ARHGAP21: variants seen among roughly 807,000 people sequenced by gnomAD.
ARHGAP21 encodes Rho GTPase activating protein 21.
Under a neutral mutation model 164.6 loss-of-function variants are expected in ARHGAP21, and 38 were observed. The observed-to-expected ratio is 0.23, with a 90% confidence interval of 0.18 to 0.30. ARHGAP21 has a LOEUF of 0.30. ARHGAP21 is among the 10% of genes least tolerant of loss of function. The probability of loss-of-function intolerance (pLI) is 1.00; values close to 1 mark genes in which losing one functional copy is unlikely to be tolerated. For missense variants in ARHGAP21, 1,822 were observed against 2,370.7 expected (o/e 0.77, Z 4.81); for synonymous variants, 766 against 857.9 (o/e 0.89, Z 1.87).
intron 19 of ARHGAP21, 66 bp downstream of exon 19, chr10:24,595,651 A>G: frequency 1.3e-6 from 2 of 1,493,978 alleles, no homozygotes; most frequent in African/African-American, 2.8e-5. Flanking sequence ...TCAATTTAAT[A>G]TTCTATGGTT....
intron 2 of ARHGAP21, among the ~76,000 whole-genome samples, chr10:24,709,489 G>A (rs1246650706): frequency 2.0e-5 from 3 of 152,050 alleles, no homozygotes; most frequent in Admixed American, 6.6e-5. Context: ...TGTAATCCCC[G>A]CACTTTGGGA....
intron 4 of ARHGAP21, chr10:24,648,838 G>A: frequency 3.1e-6 from 3 of 983,374 alleles, no homozygotes; most frequent in Non-Finnish European, 3.6e-6. Flanking sequence ...TACCATCACA[G>A]CCCCTTTATA....
intron 2 of ARHGAP21, 55 bp downstream of exon 2, chr10:24,721,782 C>T: frequency 1.9e-6 from 3 of 1,599,530 alleles, no homozygotes; most frequent in Middle Eastern, 1.7e-4. Context: ...ACTTGCAGGA[C>T]GCTCAAGACA....
chr10:24,623,617 G>A (rs1834789647), intron 7 of ARHGAP21, among the ~76,000 whole-genome samples: 1 of 152,136 alleles, frequency 6.6e-6, no homozygotes, highest in Non-Finnish European at 1.5e-5. Flanking sequence ...AATTGTGTCT[G>A]GATGAGAGAA....
intron 4 of ARHGAP21, among the ~76,000 whole-genome samples, chr10:24,652,156 A>G (rs1300189369): frequency 2.0e-5 from 3 of 152,162 alleles, no homozygotes; most frequent in Non-Finnish European, 4.4e-5. Flanking sequence ...AAAATGAGCC[A>G]TGGGTCAATC....
intron 7 of ARHGAP21, among the ~76,000 whole-genome samples, chr10:24,626,306 G>T (rs1183380067): frequency 2.6e-5 from 4 of 152,154 alleles, no homozygotes; most frequent in Non-Finnish European, 4.4e-5. Flanking sequence ...CTGAATGTTT[G>T]TGTGTTCCCC....
intron 2 of ARHGAP21, among the ~76,000 whole-genome samples, chr10:24,683,968 A>G (rs1842005412): frequency 6.6e-6 from 1 of 152,190 alleles, no homozygotes; most frequent in Non-Finnish European, 1.5e-5. Context: ...TGCTACATAC[A>G]CTGCATGACT....
At chr10:24,666,382 A>G (rs376652348) in intron 4 of ARHGAP21, among the ~76,000 whole-genome samples, 64 of 152,354 alleles carry the variant, frequency 4.2e-4, no homozygotes, top group African/African-American at 1.3e-3. Flanking sequence ...TAAAGGATAC[A>G]TGAAAATTCT....
intron 6 of ARHGAP21, among the ~76,000 whole-genome samples, chr10:24,630,365 C>T (rs1468521256): frequency 6.6e-6 from 1 of 152,156 alleles, no homozygotes; most frequent in Admixed American, 6.5e-5. Flanking sequence ...CCAGGACAAA[C>T]TCTTAACAAT....
intron 7 of ARHGAP21, among the ~76,000 whole-genome samples, chr10:24,625,056 G>T (rs1437496717): frequency 1.2e-5 from 1 of 81,258 alleles, no homozygotes; most frequent in Non-Finnish European, 2.4e-5. Flanking sequence ...AAAGTGGGGG[G>T]GGGGGGGGAG....
At chr10:24,677,791 T>C (rs966762159) in intron 2 of ARHGAP21, among the ~76,000 whole-genome samples, 3 of 152,010 alleles carry the variant, frequency 2.0e-5, no homozygotes, top group African/African-American at 2.4e-5. Flanking sequence ...TCTCATTCAC[T>C]GACATACTCT....
chr10:24,631,477 A>G (rs1286656038), intron 6 of ARHGAP21, among the ~76,000 whole-genome samples: 4 of 152,206 alleles, frequency 2.6e-5, no homozygotes, highest in Admixed American at 1.3e-4. Flanking sequence ...TTTTCCCCCA[A>G]TACAGTCAAG....
intron 4 of ARHGAP21, among the ~76,000 whole-genome samples, chr10:24,666,018 GT>G (rs1490522831): frequency 1.3e-5 from 2 of 152,050 alleles, no homozygotes; most frequent in Non-Finnish European, 2.9e-5. Flanking sequence ...CCATGGTATT[GT>G]AAGTTTGTTT....
chr10:24,641,594 C>T (rs1300889564), intron 4 of ARHGAP21, among the ~76,000 whole-genome samples: 2 of 152,118 alleles, frequency 1.3e-5, no homozygotes, highest in Admixed American at 1.3e-4. Context: ...CAAGTAGTAA[C>T]AAATAGAACA....
chr10:24,711,523 T>C (rs919992845), intron 2 of ARHGAP21, among the ~76,000 whole-genome samples: 8 of 152,222 alleles, frequency 5.3e-5, no homozygotes, highest in Admixed American at 3.9e-4. Flanking sequence ...TGAAGGATAA[T>C]ATTCACGTAA....
Position 24,584,435 on chromosome 10 carries a change from C to CT in ARHGAP21, c.5853dup (p.Ala1952SerfsTer18). On this transcript the variant is annotated frameshift_variant, in exon 26 of 26. Transcript: ENST00000396432. LOFTEE classifies it high-confidence loss of function. ...GTTTAAAGACAGGGATGAAACTCTGCTTTACTGCCTGGGGTTTCAGACAGT... is the reference window on the plus strand; with the variant it reads ...GTTTAAAGACAGGGATGAAACTCTGCTTTTACTGCCTGGGGTTTCAGACAGT... 7 of 1,610,708 alleles carry CT rather than the reference C, an allele frequency of 4.3e-6. No homozygotes were observed. Among genetic ancestry groups the CT allele is most frequent in the Non-Finnish European group, 5.9e-6 (7 of 1,178,348 alleles).
chr10:24,656,618 C>T (rs1165155570), intron 4 of ARHGAP21, among the ~76,000 whole-genome samples: 6 of 86,190 alleles, frequency 7.0e-5, no homozygotes, highest in Admixed American at 1.1e-4. Context: ...AGGTGAGGGG[C>T]GCCTCTGCCC....
chr10:24,667,765 T>A (rs945399882), intron 3 of ARHGAP21, among the ~76,000 whole-genome samples: 2 of 152,102 alleles, frequency 1.3e-5, no homozygotes, highest in African/African-American at 4.8e-5. Context: ...GTTTTTTTTT[T>A]TTCTTCTTCT....
At chr10:24,595,293 G>A (rs2076531045) in intron 19 of ARHGAP21, 103 bp from the exon 20 acceptor site, 11 of 956,872 alleles carry the variant, frequency 1.1e-5, no homozygotes, top group East Asian at 2.6e-5. Flanking sequence ...ATAGGAAAGA[G>A]TTCTAATAGT....
Sources: allele counts gnomAD v4.1 joint callset (sites outside exome capture counted in the v4.1 genomes callset), GRCh38; gene constraint gnomAD v4.1.1; transcripts MANE v1.5; gene names NCBI Gene and HGNC (gene_info 2026-07-23, HGNC 2026-07-21).